Variants in TENM3 observed in about 807,000 individuals in gnomAD.
The protein encoded by TENM3 is teneurin transmembrane protein 3.
TENM3 carries 63 observed loss-of-function variants against 255.1 expected under a neutral mutation model. The observed-to-expected ratio is 0.25, with a 90% CI of 0.20 to 0.30. The LOEUF (loss-of-function observed/expected upper bound fraction) is 0.30. TENM3 is among the 10% of genes least tolerant of loss of function. The probability of loss-of-function intolerance (pLI) is 1.00; values close to 1 mark genes in which losing one functional copy is unlikely to be tolerated. For missense variants in TENM3, 2,929 were observed against 3,461.1 expected (o/e 0.85, Z 3.86); for synonymous variants, 1,306 against 1,322.3 (o/e 0.99, Z 0.27).
chr4:181,941,697 C>T, the TENM3 span, among the ~76,000 whole-genome samples: 1 of 152,260 alleles, frequency 6.6e-6, no homozygotes, highest in Non-Finnish European at 1.5e-5. Flanking sequence ...GATTTGCTTT[C>T]ATCATTTACA....
chr4:182,398,010 T>C (rs979074261), intron 3 of TENM3, among the ~76,000 whole-genome samples: 3 of 152,188 alleles, frequency 2.0e-5, no homozygotes, highest in African/African-American at 7.2e-5. Context: ...AGTCTGGCAT[T>C]TAATATTAGA....
intron 12 of TENM3, among the ~76,000 whole-genome samples, chr4:182,692,749 C>T (rs568104315): frequency 6.6e-6 from 1 of 152,156 alleles, no homozygotes; most frequent in African/African-American, 2.4e-5. Flanking sequence ...CCCAAGTAAT[C>T]GTAGTATTGT....
the TENM3 span, among the ~76,000 whole-genome samples, chr4:181,630,015 G>A: frequency 6.6e-6 from 1 of 152,096 alleles, no homozygotes; most frequent in Admixed American, 6.5e-5. Flanking sequence ...CAACTTCAGA[G>A]CCTGTTATTG....
the TENM3 span, among the ~76,000 whole-genome samples, chr4:181,702,655 A>C: frequency 1.3e-5 from 2 of 152,212 alleles, no homozygotes; most frequent in Non-Finnish European, 2.9e-5. Flanking sequence ...AAGTTTAAAA[A>C]TCCAGCCAAT....
Position 182,801,155 on chromosome 4 carries a change from G to A in TENM3, c.*804G>A, listed in dbSNP as rs1225539982. 1.3e-5 allele frequency: 2 copies of A among 152,524 alleles called. No individual in the cohort carries two copies. Among genetic ancestry groups the A allele is most frequent in the East Asian group, 1.9e-4 (1 of 5,194 alleles). The allele number at this position is 152,524 out of a possible 1,614,324, so 9.4% of individuals were successfully genotyped here. ...ACTGTGTGATTTTTTTAAAAGGATT[G>A]CACCTTTTGTTATCTGTTATAGCTG... On this transcript the variant is annotated 3_prime_UTR_variant, in exon 28 of 28. Coordinates refer to ENST00000511685, the MANE Select transcript of TENM3 (RefSeq NM_001080477.4).
At chr4:182,763,947 T>A (rs568115991) in intron 22 of TENM3, among the ~76,000 whole-genome samples, 1 of 152,304 alleles carries the variant, frequency 6.6e-6, no homozygotes, top group South Asian at 2.1e-4. Flanking sequence ...CCTTACTAAT[T>A]TAATAAAGAT....
Position 182,793,635 on chromosome 4 carries a change from T to C in TENM3, c.6963T>C (p.Tyr2321=), listed in dbSNP as rs771527844. 7 of 1,613,884 alleles carry C rather than the reference T, an allele frequency of 4.3e-6. No homozygotes were observed. Among genetic ancestry groups the C allele is most frequent in the Middle Eastern group, 1.6e-4 (1 of 6,084 alleles). The change falls in exon 26 of 28, where the codon TAT becomes TAC. Residue 2321 remains tyrosine, a synonymous_variant. Coordinates refer to ENST00000511685, the MANE Select transcript of TENM3 (RefSeq NM_001080477.4). The surrounding 1 kb of genome is among the most constrained non-coding windows in gnomAD (Gnocchi z 5.7). ...TGAAACAGATTCAGTACACTGCATA[T>C]GGGGAAATCTATTTTGACTCTAATA... ...LMLKQIQYTA[Y]GEIYFDSNID... is the part of the protein sequence containing the mutation.
the TENM3 span, among the ~76,000 whole-genome samples, chr4:181,848,823 T>A: frequency 6.6e-6 from 1 of 152,132 alleles, no homozygotes; most frequent in African/African-American, 2.4e-5. Context: ...CAAGGCTAAT[T>A]TTTCGAATGT....
the TENM3 span, among the ~76,000 whole-genome samples, chr4:181,635,102 C>T: frequency 4.2e-4 from 64 of 152,086 alleles, no homozygotes; most frequent in African/African-American, 1.5e-3. Flanking sequence ...AGGAGTAAGT[C>T]ACATTAATTC....
At chr4:181,662,631 A>C in the TENM3 span, among the ~76,000 whole-genome samples, 1 of 152,192 alleles carries the variant, frequency 6.6e-6, no homozygotes, top group African/African-American at 2.4e-5. Context: ...CTTCTACTGA[A>C]TAATTTTAGT....
At chr4:182,639,213 T>G (rs73872457) in intron 5 of TENM3, among the ~76,000 whole-genome samples, 3,839 of 152,310 alleles carry the variant, frequency 0.025, 167 homozygotes, top group African/African-American at 0.087. Context: ...CAATTTATTT[T>G]TAAAATACTG....
At chr4:182,003,839 C>T in the TENM3 span, among the ~76,000 whole-genome samples, 1 of 151,744 alleles carries the variant, frequency 6.6e-6, no homozygotes, top group Non-Finnish European at 1.5e-5. Flanking sequence ...AAATATTTCC[C>T]TGTGTGTAAG....
the TENM3 span, among the ~76,000 whole-genome samples, chr4:181,804,767 C>T: frequency 6.6e-6 from 1 of 152,070 alleles, no homozygotes; most frequent in African/African-American, 2.4e-5. Flanking sequence ...CCCAGCTACT[C>T]AGGAGCCTGA....
At chr4:181,758,010 C>T in the TENM3 span, among the ~76,000 whole-genome samples, 1 of 152,084 alleles carries the variant, frequency 6.6e-6, no homozygotes, top group Non-Finnish European at 1.5e-5. Context: ...CAGCCCTAAG[C>T]CACAAATATG....
chr4:181,973,945 G>A, the TENM3 span, among the ~76,000 whole-genome samples: 3 of 152,236 alleles, frequency 2.0e-5, no homozygotes, highest in South Asian at 4.2e-4. Context: ...TCAAATAAAG[G>A]GGACACCGGC....
chr4:182,238,689 T>C (rs1245782089), upstream of TENM3, among the ~76,000 whole-genome samples: 3 of 152,210 alleles, frequency 2.0e-5, no homozygotes, highest in Non-Finnish European at 4.4e-5. Context: ...CGGTGCTCAG[T>C]GAAGAGCTGA....
At chr4:182,742,929 CA>C (rs1314490119) in intron 18 of TENM3, among the ~76,000 whole-genome samples, 1 of 152,178 alleles carries the variant, frequency 6.6e-6, no homozygotes, top group African/African-American at 2.4e-5. Context: ...TTGTTCCTTT[CA>C]CCAGACATGA....
At position 182,793,729 on chromosome 4, in the gene TENM3, G is replaced by A; in HGVS notation, c.7057G>A (p.Gly2353Arg). 1 of 1,613,978 alleles carries A rather than the reference G, an allele frequency of 6.2e-7. No homozygotes were observed. The highest frequency in any genetic ancestry group is 1.6e-4 in the Middle Eastern group (1 of 6,062). Residue 2353 changes from glycine (G) to arginine (R), a missense_variant, in exon 26 of 28, where the codon GGA becomes AGA. Gly to Arg is a moderately radical substitution (Grantham distance 125). Coordinates refer to ENST00000511685, the MANE Select transcript of TENM3 (RefSeq NM_001080477.4). This position sits in a 1 kb window ranked among gnomAD's most constrained non-coding sequence, Gnocchi z 5.7. Reference sequence around the variant, plus strand: ...CCCACTCACCAAATTAATCCACTTTGGAGAAAGAGATTATGACATTTTGGC... The same window carrying A: ...CCCACTCACCAAATTAATCCACTTTAGAGAAAGAGATTATGACATTTTGGC... ...YDPLTKLIHF[G>R]ERDYDILAGR...
the TENM3 span, among the ~76,000 whole-genome samples, chr4:182,064,135 T>C: frequency 2.6e-5 from 4 of 151,586 alleles, no homozygotes; most frequent in African/African-American, 9.7e-5. Flanking sequence ...TTGTTGGGCA[T>C]TGTAAAATTT....
Sources: allele counts gnomAD v4.1 joint callset (sites outside exome capture counted in the v4.1 genomes callset), GRCh38; gene constraint gnomAD v4.1.1; non-coding constraint Gnocchi (gnomAD v3.1); transcripts MANE v1.5; gene names NCBI Gene and HGNC (gene_info 2026-07-23, HGNC 2026-07-21).